Variants in UNC13D observed in about 807,000 individuals in gnomAD.
UNC13D encodes unc-13 homolog D.
In UNC13D, 115 loss-of-function variants were observed where a neutral mutation model predicts 151.7. The observed-to-expected ratio is 0.76, with a 90% CI of 0.65 to 0.88. The LOEUF is 0.88. UNC13D is among the 40% of genes least tolerant of loss of function. UNC13D has a pLI of 0.00. For synonymous variants in UNC13D, 588 were observed against 612.2 expected (o/e 0.96, Z 0.58); for missense variants, 1,369 against 1,438.7 (o/e 0.95, Z 0.78).
Position 75,828,865 on chromosome 17 carries a change from C to T in UNC13D, c.3073G>A (p.Val1025Met), listed in dbSNP as rs763271797. Residue 1025 changes from valine (V) to methionine (M), a missense_variant, in exon 31 of 32, where the codon GTG (valine) becomes ATG (methionine). By Grantham distance (21) the Val-to-Met change is conservative (BLOSUM62 1). Coordinates refer to ENST00000207549, the MANE Select transcript of UNC13D (RefSeq NM_199242.3). ...TCCTCAGAGCCACTCAGCCCGGGCA[C>T]CTCACGCAGCGGCAGGAAGGCCTCG... The part of the protein sequence containing the change: ...EGEAFLPLRE[V>M]PGLSGSEEPG... 10 of 1,599,428 alleles carry T rather than the reference C, an allele frequency of 6.3e-6. No individual in the cohort carries two copies. Among genetic ancestry groups the T allele is most frequent in the Non-Finnish European group, 7.7e-6 (9 of 1,175,604 alleles).
intron 30 of UNC13D, 85 bp downstream of exon 30, chr17:75,829,943 G>A (rs1297653756): frequency 6.5e-7 from 1 of 1,547,884 alleles, no homozygotes; most frequent in Admixed American, 2.0e-5. Flanking sequence ...GGAGCCCCTT[G>A]GCCCCAGCCA....
rs913900444 is a variant in UNC13D, at chr17:75,827,297, G to A, written c.*668C>T. On this transcript the variant is annotated 3_prime_UTR_variant, in exon 32 of 32. Coordinates refer to ENST00000207549, the MANE Select transcript of UNC13D (RefSeq NM_199242.3). ...AGTTTCTAGGTGGCAGGTGCTGTCC[G>A]GGGAGGGGGCGTGCGCAGCAGACAC... 3 of 583,712 alleles carry A rather than the reference G, an allele frequency of 5.1e-6. No individual in the cohort carries two copies. Among genetic ancestry groups the A allele is most frequent in the Non-Finnish European group, 7.9e-6 (3 of 378,176 alleles). The allele number at this position is 583,712 out of a possible 1,614,324, so 36.2% of individuals were successfully genotyped here.
Position 75,840,619 on chromosome 17 carries a change from G to A in UNC13D, c.684-43C>T, listed in dbSNP as rs569824543. On this transcript the variant is annotated intron_variant, in intron 8 of 31. Transcript: ENST00000207549. This position sits in a 1 kb window ranked among gnomAD's most constrained non-coding sequence, Gnocchi z 4.6. ...CCATAAGGGGGACGCAGCAAGGGTC[G>A]GAAGGGATTAGGCTGGAATCCACCC... 26 of 1,613,492 alleles carry A rather than the reference G, an allele frequency of 1.6e-5. No homozygotes were observed. The East Asian group carries it at 2.7e-4, about 17-fold the overall frequency.
chr17:75,842,721 G>A (rs2064958050), intron 5 of UNC13D, 108 bp from the exon 6 acceptor site: 1 of 1,597,202 alleles, frequency 6.3e-7, no homozygotes, highest in East Asian at 2.2e-5. Context: ...GAGAGGGAAG[G>A]GGACCAGCAG....
intron 25 of UNC13D, 48 bp from the exon 26 acceptor site, chr17:75,831,396 CGGA>C: frequency 6.4e-7 from 1 of 1,554,352 alleles, no homozygotes; most frequent in South Asian, 1.1e-5. Context: ...AGGGCGGTGG[CGGA>C]GGAGGAAGCA....
Position 75,839,951 on chromosome 17 carries a change from A to G in UNC13D, c.952-9T>C, listed in dbSNP as rs1360179952. 6.2e-7 allele frequency: 1 copy of G among 1,613,432 alleles called. No individual in the cohort carries two copies. The highest frequency in any genetic ancestry group is 1.3e-5 in the African/African-American group (1 of 74,884). ...CAGGAGGTGCTTCCCGCCTGAGGGG[A>G]GCAGGTGGAGGAGTGTCAGGACCTG... is the stretch of plus-strand genomic sequence containing the variant. On this transcript the variant is annotated splice_polypyrimidine_tract_variant and intron_variant, in intron 11 of 31. Transcript: ENST00000207549.
chr17:75,839,921 C>T lies in UNC13D; in HGVS notation c.973G>A (p.Gly325Arg), dbSNP rs199909864. The T allele has an allele frequency of 3.5e-5, 56 of 1,613,648 alleles. No individual in the cohort carries two copies. Among genetic ancestry groups the T allele is most frequent in the Admixed American group, 3.2e-4 (19 of 59,992 alleles). The part of the protein sequence containing the change: ...QHEAGSTSWD[G>R]SLSPQAATVL... ...GTGGCAGCCTGGGGACTCAGCGACC[C>T]GTCCCAGGAGGTGCTTCCCGCCTGA... Residue 325 changes from glycine to arginine, a missense_variant, in exon 12 of 32, where the codon GGG becomes AGG. Around this residue, in one of 3 missense-constraint regions of UNC13D, gnomAD observed 550 missense variants for 609.0 expected, o/e 0.90. Coordinates refer to ENST00000207549, the MANE Select transcript of UNC13D (RefSeq NM_199242.3).
intron 12 of UNC13D, among the ~76,000 whole-genome samples, chr17:75,839,300 G>C (rs999664608): frequency 6.6e-6 from 1 of 151,944 alleles, no homozygotes; most frequent in African/African-American, 2.4e-5. Flanking sequence ...TACTCGGGAG[G>C]CTGAGGCAGG....
Position 75,834,143 on chromosome 17 carries a change from A to G in UNC13D, c.2299T>C (p.Leu767=), listed in dbSNP as rs371685442. ...ATGTGCTTGGCGATGCCCACCTCCA[A>G]CTGGAGACACAAAACGGAAGAAGGA... ...RTGVRTLAEQ[L]EVGIAKHIQK... The change falls in exon 24 of 32, where the codon TTG becomes CTG. Residue 767 remains leucine (L), a splice_region_variant and synonymous_variant. Coordinates refer to ENST00000207549, the MANE Select transcript of UNC13D (RefSeq NM_199242.3). The G allele has an allele frequency of 3.5e-5, 57 of 1,613,636 alleles. No homozygotes were observed. The highest frequency in any genetic ancestry group is 8.0e-5 in the African/African-American group (6 of 74,960).
At position 75,843,280 on chromosome 17, in the gene UNC13D, G is replaced by T. The variant is rs1388974536; in HGVS notation, c.154-14C>A. 1.2e-6 allele frequency: 2 copies of T among 1,603,800 alleles called. No individual in the cohort carries two copies. The highest frequency in any genetic ancestry group is 2.2e-5 in the South Asian group (2 of 91,014). ...GAGCAGGGCCCGCTAAGACACACGG[G>T]GTCACCTTGGGGACCCCACCAGCCA... On this transcript the variant is annotated splice_polypyrimidine_tract_variant and intron_variant, in intron 2 of 31. Coordinates refer to ENST00000207549, the MANE Select transcript of UNC13D (RefSeq NM_199242.3).
Position 75,828,849 on chromosome 17 carries a change from C to G in UNC13D, c.3089G>C (p.Gly1030Ala). ...AGGCACCTCACCAGGCTCCTCAGAG[C>G]CACTCAGCCCGGGCACCTCACGCAG... ...LPLREVPGLS[G>A]SEEPGEVPQT... The change falls in exon 31 of 32, where the codon GGC becomes GCC. Residue 1030 changes from glycine to alanine, a missense_variant. Around this residue, in one of 3 missense-constraint regions of UNC13D, gnomAD observed 807 missense variants for 795.5 expected, o/e 1.01. Transcript: ENST00000207549. The G allele has an allele frequency of 6.3e-7, 1 of 1,585,658 alleles. No homozygotes were observed. The highest frequency in any genetic ancestry group is 8.6e-7 in the Non-Finnish European group (1 of 1,168,640).
chr17:75,827,527 C>A lies in UNC13D; in HGVS notation c.*438G>T. 3.3e-6 allele frequency: 5 copies of A among 1,532,406 alleles called. No homozygotes were observed. Among genetic ancestry groups the A allele is most frequent in the Non-Finnish European group, 3.5e-6 (4 of 1,144,566 alleles). 94.9% of individuals were successfully genotyped at this position (1,532,406 alleles called of 1,614,324 possible). The stretch of plus-strand genomic sequence containing the variant: ...GCTGGAGCCTCATCTTTGGCAGGGT[C>A]CCCTCTCCCTTTTCCAGGAGACTCT... On this transcript the variant is annotated 3_prime_UTR_variant, in exon 32 of 32. Coordinates refer to ENST00000207549, the MANE Select transcript of UNC13D (RefSeq NM_199242.3).
rs893084464 is a variant in UNC13D, at chr17:75,840,680, AC to A, written c.683+81del. 4 of 1,609,928 alleles carry A rather than the reference AC, an allele frequency of 2.5e-6. No individual in the cohort carries two copies. The African/African-American group carries it at 5.3e-5, about 22-fold the overall frequency. ...CCACCTGGACCCCAAAGGAGCCTGC[AC>A]CCCAGCATCCAGTGTGCATGTTGGG... On this transcript the variant is annotated intron_variant, in intron 8 of 31. Transcript: ENST00000207549. This position sits in a 1 kb window ranked among gnomAD's most constrained non-coding sequence, Gnocchi z 4.6.
intron 21 of UNC13D, 94 bp from the exon 22 acceptor site, chr17:75,834,810 T>C: frequency 6.2e-7 from 1 of 1,607,980 alleles, no homozygotes; most frequent in South Asian, 1.1e-5. Context: ...ACTTGGGGGA[T>C]TTAGAATACA....
Position 75,833,257 on chromosome 17 carries a change from G to T in UNC13D, c.2368-212C>A. 2.0e-6 allele frequency: 1 copy of T among 504,372 alleles called. No individual in the cohort carries two copies. 31.2% of individuals were successfully genotyped at this position (504,372 alleles called of 1,614,324 possible). On this transcript the variant is annotated intron_variant, in intron 24 of 31. Coordinates refer to ENST00000207549, the MANE Select transcript of UNC13D (RefSeq NM_199242.3). This position sits in a 1 kb window ranked among gnomAD's most constrained non-coding sequence, Gnocchi z 4.0. ...CCACACTGGCCTCCTCTACAGCCCT[G>T]GAACCTTCCAGGCATGGTCCTGCCT...
Position 75,836,672 on chromosome 17 carries a change from T to C in UNC13D, c.1198A>G (p.Ser400Gly). The change falls in exon 14 of 32, where the codon AGC becomes GGC. Residue 400 changes from serine to glycine, a missense_variant. Physicochemically the swap from Ser to Gly is moderately conservative, Grantham distance 56. This residue lies in a region of UNC13D where 550 missense variants were observed against 609.0 expected (regional missense o/e 0.90). Transcript: ENST00000207549. Reference sequence around the variant, plus strand: ...GAGAGGCCGTAGGTCAGCAGGGAGCTGAATGAGGCGGCCAGCTCCTCCTGC... The same window carrying C: ...GAGAGGCCGTAGGTCAGCAGGGAGCCGAATGAGGCGGCCAGCTCCTCCTGC... ...EQQEELAASF[S>G]SLLTYGLSLI... 6.2e-7 allele frequency: 1 copy of C among 1,613,686 alleles called. No individual in the cohort carries two copies. Among genetic ancestry groups the C allele is most frequent in the Non-Finnish European group, 8.5e-7 (1 of 1,180,020 alleles).
At chr17:75,829,891 C>A (rs2062149225) in intron 30 of UNC13D, 137 bp downstream of exon 30, 1 of 1,369,818 alleles carries the variant, frequency 7.3e-7, no homozygotes, top group Admixed American at 2.1e-5. Flanking sequence ...AACTCTTGTC[C>A]CAGATGCCCC....
In UNC13D at chr17:75,833,067, A is replaced by G. The variant is rs1327669342; in HGVS notation, c.2368-22T>C. 1 of 1,593,894 alleles carries G rather than the reference A, an allele frequency of 6.3e-7. No individual in the cohort carries two copies. The highest frequency in any genetic ancestry group is 1.8e-5 in the Admixed American group (1 of 56,770). On this transcript the variant is annotated intron_variant, in intron 24 of 31. Coordinates refer to ENST00000207549, the MANE Select transcript of UNC13D (RefSeq NM_199242.3). The surrounding 1 kb of genome is among the most constrained non-coding windows in gnomAD (Gnocchi z 4.0). ...TGGCCTGGGGAGGGAGATGGGGAGC[A>G]GGTGTGGCTCCGGCCCATGTTGGCC...
Position 75,827,521 on chromosome 17 carries a change from C to A in UNC13D, c.*444G>T. On this transcript the variant is annotated 3_prime_UTR_variant, in exon 32 of 32. Coordinates refer to ENST00000207549, the MANE Select transcript of UNC13D (RefSeq NM_199242.3). ...AGGGCAGCTGGAGCCTCATCTTTGG[C>A]AGGGTCCCCTCTCCCTTTTCCAGGA... The A allele has an allele frequency of 6.5e-7, 1 of 1,530,812 alleles. No individual in the cohort carries two copies. Among genetic ancestry groups the A allele is most frequent in the Non-Finnish European group, 8.7e-7 (1 of 1,143,560 alleles). 94.8% of individuals were successfully genotyped at this position (1,530,812 alleles called of 1,614,324 possible).
Sources: allele counts gnomAD v4.1 joint callset (sites outside exome capture counted in the v4.1 genomes callset), GRCh38; gene constraint gnomAD v4.1.1; regional missense constraint gnomAD v4.1.1; non-coding constraint Gnocchi (gnomAD v3.1); transcripts MANE v1.5; gene names NCBI Gene and HGNC (gene_info 2026-07-23, HGNC 2026-07-21).